The following PKIA variants were observed in gnomAD, a reference collection of about 807,000 sequenced individuals.
PKIA encodes PKI-alpha.
A neutral mutation model predicts 7.6 loss-of-function variants in PKIA; 4 were observed. The ratio of observed to expected loss-of-function variants is 0.52; its 90% CI spans 0.26 to 1.20. The LOEUF (loss-of-function observed/expected upper bound fraction) is 1.20. Among genes scored for constraint, PKIA ranks in the 50% most tolerant of loss-of-function variants. The pLI, the probability that PKIA is intolerant of heterozygous loss-of-function variation, is 0.13. For synonymous variants in PKIA, 21 were observed against 30.7 expected (o/e 0.68, Z 1.04); for missense variants, 73 against 86.2 (o/e 0.85, Z 0.61).
chr8:78,552,184 A>G (rs1806999931), intron 1 of PKIA, among the ~76,000 whole-genome samples: 1 of 152,034 alleles, frequency 6.6e-6, no homozygotes, highest in African/African-American at 2.4e-5. Context: ...ACTTATTTTC[A>G]AAACAATATG....
intron 1 of PKIA, among the ~76,000 whole-genome samples, chr8:78,536,970 C>T (rs186938627): frequency 2.7e-5 from 4 of 150,238 alleles, no homozygotes; most frequent in Non-Finnish European, 5.9e-5. Context: ...TCAAATAATG[C>T]TTCTGAGTCT....
intron 1 of PKIA, among the ~76,000 whole-genome samples, chr8:78,530,983 G>C (rs1294688684): frequency 4.6e-5 from 7 of 151,998 alleles, no homozygotes; most frequent in Non-Finnish European, 8.8e-5. Context: ...ACTATAACCT[G>C]CTTTTTAAAA....
chr8:78,546,395 G>T (rs1245552311), intron 1 of PKIA, among the ~76,000 whole-genome samples: 1 of 152,090 alleles, frequency 6.6e-6, no homozygotes, highest in East Asian at 1.9e-4. Context: ...TATTTTAAGG[G>T]TGAAATTCTA....
chr8:78,526,609 C>T (rs1402901015), intron 1 of PKIA, among the ~76,000 whole-genome samples: 1 of 152,046 alleles, frequency 6.6e-6, no homozygotes, highest in African/African-American at 2.4e-5. Flanking sequence ...AAAAATTAAA[C>T]TAACTCCATT....
intron 2 of PKIA, among the ~76,000 whole-genome samples, chr8:78,587,324 C>T (rs966652222): frequency 3.3e-5 from 5 of 152,202 alleles, no homozygotes; most frequent in African/African-American, 1.2e-4. Flanking sequence ...CAGCCCCAGG[C>T]CCTTAATGCT....
rs1808361876 is a variant in PKIA, at chr8:78,602,096, T to G, written c.*275T>G. 2.4e-6 allele frequency: 1 copy of G among 418,148 alleles called. No homozygotes were observed. The highest frequency in any genetic ancestry group is 3.3e-5 in the South Asian group (1 of 30,246). The allele number at this position is 418,148 out of a possible 1,614,324, so 25.9% of individuals were successfully genotyped here. On this transcript the variant is annotated 3_prime_UTR_variant, in exon 4 of 4. Coordinates refer to ENST00000396418, the MANE Select transcript of PKIA (RefSeq NM_006823.4). ...TTCACTTGATCATATGACGAAATGC[T>G]TATAGAGAGTAGCTCCGACCTAGAT...
chr8:78,539,848 G>A (rs898185737), intron 1 of PKIA, among the ~76,000 whole-genome samples: 1 of 151,878 alleles, frequency 6.6e-6, no homozygotes, highest in African/African-American at 2.4e-5. Flanking sequence ...AATTTAATTT[G>A]AATGTGAAGA....
intron 2 of PKIA, among the ~76,000 whole-genome samples, chr8:78,577,351 C>T (rs1449202925): frequency 6.6e-6 from 1 of 151,528 alleles, no homozygotes; most frequent in Non-Finnish European, 1.5e-5. Flanking sequence ...GAGGGTAGAG[C>T]GTGGGAGGAG....
At chr8:78,584,213 A>G (rs981333957) in intron 2 of PKIA, among the ~76,000 whole-genome samples, 6 of 151,812 alleles carry the variant, frequency 4.0e-5, no homozygotes, top group Admixed American at 3.3e-4. Context: ...TTTGCAACCA[A>G]TCAAATATAG....
At chr8:78,589,039 G>A (rs981995129) in intron 2 of PKIA, among the ~76,000 whole-genome samples, 1 of 152,166 alleles carries the variant, frequency 6.6e-6, no homozygotes, top group Non-Finnish European at 1.5e-5. Flanking sequence ...AACTCCAGAA[G>A]CAAGAGGCAG....
At chr8:78,530,892 C>T (rs1806372352) in intron 1 of PKIA, among the ~76,000 whole-genome samples, 1 of 152,074 alleles carries the variant, frequency 6.6e-6, no homozygotes, top group African/African-American at 2.4e-5. Flanking sequence ...TTCTACTAAG[C>T]TTCTCTTAAG....
intron 1 of PKIA, among the ~76,000 whole-genome samples, chr8:78,562,179 T>C (rs1277749719): frequency 6.6e-6 from 1 of 152,134 alleles, no homozygotes; most frequent in East Asian, 1.9e-4. Context: ...AATAGTTGAG[T>C]TTTCCTAACA....
At chr8:78,560,266 A>G (rs986493264) in intron 1 of PKIA, among the ~76,000 whole-genome samples, 7 of 152,210 alleles carry the variant, frequency 4.6e-5, no homozygotes, top group Non-Finnish European at 1.0e-4. Flanking sequence ...AAGAAAACTG[A>G]TTTATTTTCA....
chr8:78,594,741 G>C (rs1170840001), intron 2 of PKIA, among the ~76,000 whole-genome samples: 1 of 152,166 alleles, frequency 6.6e-6, no homozygotes, highest in Non-Finnish European at 1.5e-5. Context: ...GGCATTAGAG[G>C]TGGAAGGAAA....
chr8:78,557,943 A>C (rs1807184551), intron 1 of PKIA, among the ~76,000 whole-genome samples: 1 of 152,176 alleles, frequency 6.6e-6, no homozygotes, highest in East Asian at 1.9e-4. Flanking sequence ...CTTTGTTTTA[A>C]GCTAATTATA....
At chr8:78,588,660 T>G (rs978925710) in intron 2 of PKIA, among the ~76,000 whole-genome samples, 1 of 152,172 alleles carries the variant, frequency 6.6e-6, no homozygotes, top group Admixed American at 6.6e-5. Flanking sequence ...ACAGATTATT[T>G]GGTGAATAAT....
intron 1 of PKIA, among the ~76,000 whole-genome samples, chr8:78,569,140 A>C (rs1261006802): frequency 3.3e-5 from 5 of 152,196 alleles, no homozygotes; most frequent in African/African-American, 1.2e-4. Context: ...TATAGGAGGC[A>C]CTGTACTTTC....
chr8:78,589,141 A>C (rs1165866040), intron 2 of PKIA, among the ~76,000 whole-genome samples: 5 of 152,158 alleles, frequency 3.3e-5, no homozygotes, highest in Non-Finnish European at 5.9e-5. Context: ...GAATAAAGAG[A>C]TGGATGACCT....
intron 1 of PKIA, among the ~76,000 whole-genome samples, chr8:78,550,299 G>T (rs1321803382): frequency 1.3e-5 from 2 of 152,046 alleles, no homozygotes; most frequent in East Asian, 3.9e-4. Context: ...TGGGAAATAG[G>T]AACATTATTA....
Sources: gnomAD v4.1 joint callset for allele counts (sites outside exome capture counted in the v4.1 genomes callset) on GRCh38, gnomAD v4.1.1 for gene constraint, MANE v1.5 for transcripts, NCBI Gene and HGNC (gene_info 2026-07-23, HGNC 2026-07-21) for gene names.